The following FMO5 variants were observed in gnomAD, a reference collection of about 807,000 sequenced individuals.
The protein encoded by FMO5 is flavin containing dimethylaniline monoxygenase 5.
Under a neutral mutation model 43.6 loss-of-function variants are expected in FMO5, and 51 were observed. That is an observed-to-expected ratio of 1.17 (90% CI 0.93 to 1.48). The LOEUF is 1.48. FMO5 is among the 40% of genes most tolerant of loss of function. The pLI is 0.00. For missense variants in FMO5, 644 were observed against 643.0 expected (o/e 1.00, Z -0.02); for synonymous variants, 187 against 216.5 (o/e 0.86, Z 1.20).
rs587653921 is a variant in FMO5 at position 147,191,510 on chromosome 1, T to C, written c.1184-1261A>G. Among the ~76,000 whole-genome samples the C allele has an allele frequency of 1.8e-4, 27 of 150,882 alleles. No homozygotes were observed. In the East Asian group the frequency reaches 4.3e-3, roughly 24 times the overall value. On this transcript the variant is annotated intron_variant, in intron 7 of 8. Transcript: ENST00000254090. Reference sequence around the variant, plus strand: ...TTGAGAAGTGTCTGTTCATATCCTTTGCCCACTTTTTGATGGGGTTGTTTG... The same window carrying C: ...TTGAGAAGTGTCTGTTCATATCCTTCGCCCACTTTTTGATGGGGTTGTTTG...
chr1:147,215,916 A>C lies in FMO5; in HGVS notation c.162T>G (p.Ser54Arg), dbSNP rs782621445. 5 of 1,609,682 alleles carry C rather than the reference A, an allele frequency of 3.1e-6. No individual in the cohort carries two copies. The South Asian group carries it at 5.6e-5, about 18-fold the overall frequency. ...TATTGATGATCACTGATTTGTAAAT[A>C]CTGGCCCTTCCTTCTTCAGGATTTT... ...FQENPEEGRA[S>R]IYKSVIINTS... The change falls in exon 3 of 9, where the codon AGT becomes AGG. Residue 54 changes from serine to arginine, a missense_variant. Coordinates refer to ENST00000254090, the MANE Select transcript of FMO5 (RefSeq NM_001461.4).
Position 147,189,930 on chromosome 1 carries a change from A to G in FMO5, c.1256+247T>C, listed in dbSNP as rs17159918. Among the ~76,000 whole-genome samples the G allele has an allele frequency of 1.0e-3, 154 of 152,238 alleles. 2 individuals are homozygous for G. Among genetic ancestry groups the G allele is most frequent in the African/African-American group, 3.7e-3 (152 of 41,522 alleles). ...ATTTTATTTCCATATGCATTTTCCT[A>G]TGTGACTTTTTTTAGGCATTAAACA... On this transcript the variant is annotated intron_variant, in intron 8 of 8. Transcript: ENST00000254090.
At position 147,190,029 on chromosome 1, in the gene FMO5, C is replaced by T. The variant is rs587614802; in HGVS notation, c.1256+148G>A. 1.3e-4 allele frequency: 72 copies of T among 558,022 alleles called. No individual in the cohort carries two copies. The East Asian group carries it at 2.2e-3, about 17-fold the overall frequency. The allele number at this position is 558,022 out of a possible 1,614,324, so 34.6% of individuals were successfully genotyped here. On this transcript the variant is annotated intron_variant, in intron 8 of 8. Coordinates refer to ENST00000254090, the MANE Select transcript of FMO5 (RefSeq NM_001461.4). ...AGACTACTAGTGCTATTTCTCCATT[C>T]TATTGTCACAAATTATTTTTCCTTT...
chr1:147,190,396 A>T (rs1020652884), intron 7 of FMO5, 147 bp from the exon 8 acceptor site: 28 of 563,520 alleles, frequency 5.0e-5, no homozygotes, highest in Non-Finnish European at 7.8e-5. Flanking sequence ...TGATCACCTT[A>T]CCACCACCAC....
chr1:147,204,959 T>G, intron 6 of FMO5: 1 of 1,406,720 alleles, frequency 7.1e-7, no homozygotes, highest in South Asian at 1.2e-5. Flanking sequence ...GCCGTTCACG[T>G]GACCGCTCAG....
At chr1:147,211,769 G>T (rs1661103321) in intron 5 of FMO5, among the ~76,000 whole-genome samples, 1 of 152,148 alleles carries the variant, frequency 6.6e-6, no homozygotes, top group Non-Finnish European at 1.5e-5. Flanking sequence ...AAAACAAAAA[G>T]CCAAGGAGAT....
intron 2 of FMO5, among the ~76,000 whole-genome samples, chr1:147,218,424 A>C (rs943675621): frequency 2.2e-5 from 2 of 92,280 alleles, no homozygotes; most frequent in African/African-American, 7.4e-5. Flanking sequence ...TTTTTAGTAG[A>C]GACGGGTTTC....
upstream of FMO5, among the ~76,000 whole-genome samples, chr1:147,226,356 G>T (rs1553927851): frequency 3.3e-5 from 5 of 152,224 alleles, no homozygotes; most frequent in African/African-American, 1.2e-4. Flanking sequence ...GTATAGTGAG[G>T]AATGTATTGT....
chr1:147,204,305 A>G, intron 6 of FMO5: 2 of 962,978 alleles, frequency 2.1e-6, no homozygotes, highest in Middle Eastern at 2.1e-4. Flanking sequence ...GTGATACCAC[A>G]GCCCAGAATT....
intron 6 of FMO5, among the ~76,000 whole-genome samples, chr1:147,207,304 A>G (rs2101900310): frequency 2.0e-5 from 3 of 152,324 alleles, no homozygotes; most frequent in Admixed American, 2.0e-4. Flanking sequence ...AAATATAGCA[A>G]ACTTAACAGG....
chr1:147,208,761 G>A (rs1553923023), intron 6 of FMO5, 91 bp downstream of exon 6: 1 of 1,039,864 alleles, frequency 9.6e-7, no homozygotes, highest in Non-Finnish European at 1.5e-6. Context: ...CTTAATGTAT[G>A]GGTAGAGGTG....
intron 7 of FMO5, among the ~76,000 whole-genome samples, chr1:147,200,423 A>G (rs1227147435): frequency 6.6e-6 from 1 of 152,078 alleles, no homozygotes; most frequent in Non-Finnish European, 1.5e-5. Flanking sequence ...CTCTCTCCTT[A>G]TTAAACGCAC....
chr1:147,196,933 G>C (rs587672890), intron 7 of FMO5, among the ~76,000 whole-genome samples: 2 of 152,234 alleles, frequency 1.3e-5, no homozygotes, highest in East Asian at 1.9e-4. Context: ...CTCTCATGCT[G>C]TCTTACTGAG....
At position 147,186,565 on chromosome 1, in the gene FMO5, C is replaced by A. The variant is rs1655652864; in HGVS notation, c.*335G>T. Reference sequence around the variant, plus strand: ...TACCGATGCTGACTTACTCTCCCTACCATAAAATTTGATAAACAACAAACA... The same window carrying A: ...TACCGATGCTGACTTACTCTCCCTAACATAAAATTTGATAAACAACAAACA... On this transcript the variant is annotated 3_prime_UTR_variant, in exon 9 of 9. Transcript: ENST00000254090. The A allele has an allele frequency of 2.9e-6, 3 of 1,023,796 alleles. No individual in the cohort carries two copies. The highest frequency in any genetic ancestry group is 1.7e-5 in the African/African-American group (1 of 58,376). 63.4% of individuals were successfully genotyped at this position (1,023,796 alleles called of 1,614,324 possible). A position where few individuals can be genotyped will look rare whatever the true frequency, so the allele number is the denominator to read the frequency against.
chr1:147,218,892 A>G (rs1553925671), intron 2 of FMO5, among the ~76,000 whole-genome samples: 2 of 152,232 alleles, frequency 1.3e-5, no homozygotes, highest in African/African-American at 4.8e-5. Context: ...TAATTTCTCC[A>G]GAGAATTAGA....
At chr1:147,185,000 C>T (rs1655495381), downstream of FMO5, among the ~76,000 whole-genome samples, 1 of 151,934 alleles carries the variant, frequency 6.6e-6, no homozygotes, top group African/African-American at 2.4e-5. This position sits in a 1 kb window ranked among gnomAD's most constrained non-coding sequence, Gnocchi z 4.4. Context: ...TTGTAATCGA[C>T]TTTAAAATAA....
At chr1:147,207,615 C>G (rs1442396668) in intron 6 of FMO5, among the ~76,000 whole-genome samples, 2 of 152,108 alleles carry the variant, frequency 1.3e-5, no homozygotes. Flanking sequence ...CTTAGTTTCT[C>G]TACATCTCAG....
chr1:147,223,310 A>C (rs7527846), intron 2 of FMO5, among the ~76,000 whole-genome samples: 2,624 of 152,252 alleles, frequency 0.017, 80 homozygotes, highest in African/African-American at 0.06. Flanking sequence ...AAGGGGATCC[A>C]CTCCAGATCT....
intron 7 of FMO5, among the ~76,000 whole-genome samples, chr1:147,192,472 C>T (rs1427478936): frequency 1.3e-5 from 2 of 152,124 alleles, no homozygotes; most frequent in African/African-American, 4.8e-5. Context: ...GACAATTTGA[C>T]TTCCTCTTTT....
Sources: gnomAD v4.1 joint callset for allele counts (sites outside exome capture counted in the v4.1 genomes callset) on GRCh38, gnomAD v4.1.1 for gene constraint, Gnocchi (gnomAD v3.1) non-coding constraint, MANE v1.5 for transcripts, NCBI Gene and HGNC (gene_info 2026-07-23, HGNC 2026-07-21) for gene names.